Variants in DNAJC1 observed in about 807,000 individuals in gnomAD.
The protein encoded by DNAJC1 is dnaJ homolog subfamily C member 1.
A neutral mutation model predicts 76.6 loss-of-function variants in DNAJC1; 58 were observed. That is an observed-to-expected ratio of 0.76 (90% CI 0.61 to 0.94). The LOEUF is 0.94. Ranked by LOEUF, DNAJC1 falls within the 40% of genes least tolerant of loss-of-function variation. The probability of loss-of-function intolerance (pLI) is 0.00; values close to 1 mark genes in which losing one functional copy is unlikely to be tolerated. For missense variants in DNAJC1, 689 were observed against 677.3 expected, an observed-to-expected ratio of 1.02 and a Z score of -0.19; for synonymous variants, 258 against 267.9, an observed-to-expected ratio of 0.96 and a Z score of 0.36.
At chr10:21,779,597 G>A (rs1487021591) in intron 9 of DNAJC1, among the ~76,000 whole-genome samples, 4 of 152,106 alleles carry the variant, frequency 2.6e-5, no homozygotes, top group Non-Finnish European at 5.9e-5. Flanking sequence ...CCATCTGTAC[G>A]TCACCATCAT....
intron 6 of DNAJC1, among the ~76,000 whole-genome samples, chr10:21,908,196 T>C (rs1448503816): frequency 2.0e-5 from 2 of 101,162 alleles, no homozygotes; most frequent in African/African-American, 8.2e-5. Context: ...AAATATATAT[T>C]ATATATATAA....
rs372271722 is a variant in DNAJC1, at chr10:21,805,975, C to T, written c.1098+5G>A. On this transcript the variant is annotated splice_donor_5th_base_variant and intron_variant, in intron 9 of 11. Transcript: ENST00000376980. The stretch of plus-strand genomic sequence containing the variant: ...TCTATACAATGCAAATCTCAGTGAA[C>T]TCACATCTGTCACAGATCGACCCAA... 2.5e-6 allele frequency: 4 copies of T among 1,611,354 alleles called. No homozygotes were observed. In the African/African-American group the frequency reaches 5.3e-5, roughly 22 times the overall value.
At chr10:21,758,926 A>C (rs1834207462) in intron 11 of DNAJC1, among the ~76,000 whole-genome samples, 1 of 152,212 alleles carries the variant, frequency 6.6e-6, no homozygotes, top group Non-Finnish European at 1.5e-5. Context: ...TGAAGTTTCT[A>C]TAAGCAGCTG....
intron 1 of DNAJC1, among the ~76,000 whole-genome samples, chr10:21,940,431 C>G (rs774127677): frequency 4.6e-5 from 7 of 152,040 alleles, no homozygotes; most frequent in Non-Finnish European, 1.0e-4. Flanking sequence ...TATATACTAA[C>G]CAGTGATAAG....
chr10:21,938,047 C>T (rs546468720), intron 1 of DNAJC1, among the ~76,000 whole-genome samples: 2 of 152,028 alleles, frequency 1.3e-5, no homozygotes, highest in East Asian at 3.9e-4. Context: ...ATGTTTGAGA[C>T]TAAAATAGGA....
intron 8 of DNAJC1, among the ~76,000 whole-genome samples, chr10:21,875,523 G>A (rs766583757): frequency 9.2e-5 from 14 of 152,128 alleles, no homozygotes; most frequent in Non-Finnish European, 1.9e-4. Context: ...CTTTGAGATT[G>A]GGAATGAAAC....
chr10:21,954,103 G>A (rs547365059), intron 1 of DNAJC1, among the ~76,000 whole-genome samples: 33 of 152,114 alleles, frequency 2.2e-4, no homozygotes, highest in African/African-American at 7.5e-4. Flanking sequence ...GTGTTTTAAT[G>A]TAAGTACAGT....
chr10:21,776,790 T>A (rs1328474204), intron 9 of DNAJC1, among the ~76,000 whole-genome samples: 2 of 152,210 alleles, frequency 1.3e-5, no homozygotes, highest in Admixed American at 1.3e-4. Flanking sequence ...ACTGATTACC[T>A]CTATAAGCAA....
chr10:21,894,729 GCA>G (rs1438652594), intron 7 of DNAJC1, among the ~76,000 whole-genome samples: 3 of 152,190 alleles, frequency 2.0e-5, no homozygotes, highest in Admixed American at 2.0e-4. Context: ...GAAACAGTCT[GCA>G]CAGAGGTGGA....
At chr10:21,857,569 G>T (rs1166021399) in intron 8 of DNAJC1, among the ~76,000 whole-genome samples, 1 of 151,758 alleles carries the variant, frequency 6.6e-6, no homozygotes, top group East Asian at 1.9e-4. Context: ...AAGATAGGAA[G>T]AAAAAAAGGG....
In DNAJC1 at chr10:21,930,104, G is replaced by A. The variant is rs116560346; in HGVS notation, c.223-963C>T. Among the ~76,000 whole-genome samples the A allele has an allele frequency of 5.7e-3, 862 of 152,190 alleles. 6 individuals are homozygous for A. The highest frequency in any genetic ancestry group is 0.019 in the African/African-American group (803 of 41,534). On this transcript the variant is annotated intron_variant, in intron 1 of 11. Coordinates refer to ENST00000376980, the MANE Select transcript of DNAJC1 (RefSeq NM_022365.4). ...GATTCTTGTGCCTCAGCCTCCAGAG[G>A]AGCTGGAATTATAGGCATGCGCCAC... is the stretch of plus-strand genomic sequence containing the variant.
At chr10:21,952,911 A>C (rs890397960) in intron 1 of DNAJC1, among the ~76,000 whole-genome samples, 1 of 152,148 alleles carries the variant, frequency 6.6e-6, no homozygotes, top group South Asian at 2.1e-4. Context: ...TAAATTCACC[A>C]TACAGGGTCA....
intron 1 of DNAJC1, among the ~76,000 whole-genome samples, chr10:21,980,383 A>G (rs1477177518): frequency 6.6e-6 from 1 of 152,148 alleles, no homozygotes; most frequent in African/African-American, 2.4e-5. Flanking sequence ...CAATACACTG[A>G]AAAGGGCACA....
chr10:21,934,571 C>T (rs1299193230), intron 1 of DNAJC1, among the ~76,000 whole-genome samples: 2 of 152,026 alleles, frequency 1.3e-5, no homozygotes, highest in Non-Finnish European at 2.9e-5. Context: ...ACATTTTGTA[C>T]CTATTATACT....
At chr10:21,812,514 A>G (rs1000719550) in intron 8 of DNAJC1, among the ~76,000 whole-genome samples, 8 of 152,112 alleles carry the variant, frequency 5.3e-5, no homozygotes, top group Non-Finnish European at 1.0e-4. Context: ...TTTGTCAGAT[A>G]TAAGTATTAC....
chr10:21,993,955 GTCATTTGC>G (rs1466921831), intron 1 of DNAJC1, among the ~76,000 whole-genome samples: 1 of 151,944 alleles, frequency 6.6e-6, no homozygotes. Flanking sequence ...TAGTCCAAGA[GTCATTTGC>G]TCTAATACTT....
chr10:21,924,175 T>C (rs2807979), intron 3 of DNAJC1, among the ~76,000 whole-genome samples: 118,997 of 151,830 alleles, frequency 0.78, 47,478 homozygotes, highest in East Asian at 0.99. Flanking sequence ...TGTGGTACAC[T>C]GCACTTTATT....
At chr10:21,909,086 C>G (rs1362281309) in intron 6 of DNAJC1, among the ~76,000 whole-genome samples, 1 of 152,160 alleles carries the variant, frequency 6.6e-6, no homozygotes, top group Non-Finnish European at 1.5e-5. Flanking sequence ...CGGGGTTTTG[C>G]CATGTTGGCC....
In DNAJC1 at chr10:21,919,837, A is replaced by AT. The variant is rs767116339; in HGVS notation, c.629dup (p.Asn210LysfsTer2). 6.2e-7 allele frequency: 1 copy of AT among 1,600,848 alleles called. No homozygotes were observed. The highest frequency in any genetic ancestry group is 8.5e-7 in the Non-Finnish European group (1 of 1,175,538). ...GTATTTTTATATGCTCTCACCTTTC[A>AT]TTTTTTTCTGAAGCACCGAGTTTTG... is the stretch of plus-strand genomic sequence containing the variant. On this transcript the variant is annotated frameshift_variant, in exon 5 of 12. Transcript: ENST00000376980. LOFTEE classifies it high-confidence loss of function.
Sources: allele counts gnomAD v4.1 joint callset (sites outside exome capture counted in the v4.1 genomes callset), GRCh38; gene constraint gnomAD v4.1.1; transcripts MANE v1.5; gene names NCBI Gene and HGNC (gene_info 2026-07-23, HGNC 2026-07-21).